Variants in ROBO2 observed in about 807,000 individuals in gnomAD.
ROBO2 encodes the protein roundabout homolog 2.
In ROBO2, 53 loss-of-function variants were observed where a neutral mutation model predicts 160.8. That is an observed-to-expected ratio of 0.33 (90% confidence interval 0.26 to 0.41). The LOEUF (loss-of-function observed/expected upper bound fraction) is 0.41. Among genes scored for constraint, ROBO2 ranks in the 10% least tolerant of loss-of-function variants. The pLI, the probability that ROBO2 is intolerant of heterozygous loss-of-function variation, is 1.00. For synonymous variants in ROBO2, 664 were observed against 611.7 expected, an observed-to-expected ratio of 1.09 and a Z score of -1.26; for missense variants, 1,577 against 1,722.4, an observed-to-expected ratio of 0.92 and a Z score of 1.49.
At chr3:76,885,259 A>T (rs1411400449) in intron 2 of ROBO2, among the ~76,000 whole-genome samples, 1 of 152,200 alleles carries the variant, frequency 6.6e-6, no homozygotes, top group Non-Finnish European at 1.5e-5. Context: ...AGAAACTTAA[A>T]TTTGAATAAA....
chr3:76,567,735 A>C (rs2084663873), intron 2 of ROBO2, among the ~76,000 whole-genome samples: 1 of 102,116 alleles, frequency 9.8e-6, no homozygotes. Context: ...CAGTATATAT[A>C]TACTGTTTTA....
In ROBO2 at chr3:76,901,921, C is replaced by T. The variant is rs142938613; in HGVS notation, c.110-196093C>T. ...TCCTTCCTACCTTTCACCATACACA[C>T]CTAAGGGTACCCATGTTGAAAACCC... On this transcript the variant is annotated intron_variant, in intron 2 of 26. Transcript: ENST00000487694. Among the ~76,000 whole-genome samples the T allele has an allele frequency of 1.3e-3, 199 of 152,052 alleles. 4 individuals carry two copies. In the East Asian group the frequency reaches 0.026, roughly 20 times the overall value.
intron 2 of ROBO2, among the ~76,000 whole-genome samples, chr3:76,583,184 A>G (rs989942966): frequency 6.6e-6 from 1 of 152,144 alleles, no homozygotes; most frequent in Non-Finnish European, 1.5e-5. Flanking sequence ...TGGATTTGAG[A>G]ATTCCCTGAG....
intron 2 of ROBO2, among the ~76,000 whole-genome samples, chr3:76,238,106 A>G (rs1239865817): frequency 6.6e-6 from 1 of 152,212 alleles, no homozygotes; most frequent in African/African-American, 2.4e-5. Flanking sequence ...TTGACCATTT[A>G]AAGGACTTGG....
chr3:77,123,209 G>T (rs1286997334), intron 2 of ROBO2, among the ~76,000 whole-genome samples: 1 of 152,088 alleles, frequency 6.6e-6, no homozygotes, highest in Non-Finnish European at 1.5e-5. Context: ...TTAGTGTTCT[G>T]TGAATTGATT....
intron 2 of ROBO2, among the ~76,000 whole-genome samples, chr3:76,477,506 T>C (rs1216378774): frequency 1.3e-5 from 2 of 152,142 alleles, no homozygotes; most frequent in African/African-American, 4.8e-5. Context: ...TATGAAACCA[T>C]AGGGAATGAT....
chr3:76,494,267 G>A (rs966667098), intron 2 of ROBO2, among the ~76,000 whole-genome samples: 3 of 152,160 alleles, frequency 2.0e-5, no homozygotes, highest in African/African-American at 7.2e-5. Flanking sequence ...TACCCTCTTA[G>A]GGTACTTTAG....
At chr3:76,279,968 C>T (rs1427211142) in intron 2 of ROBO2, among the ~76,000 whole-genome samples, 4 of 151,890 alleles carry the variant, frequency 2.6e-5, no homozygotes, top group Admixed American at 6.6e-5. Context: ...CTTGCTACTG[C>T]TTTCGGTACT....
Position 77,558,040 on chromosome 3 carries a change from G to A in ROBO2, c.1328G>A (p.Gly443Asp), listed in dbSNP as rs1221759864. Residue 443 changes from glycine to aspartate, a missense_variant, in exon 9 of 26, where the codon GGT becomes GAT. Gly to Asp is a moderately conservative substitution (Grantham distance 94, BLOSUM62 -1). Transcript: ENST00000461745. ...GCGTTACTGAAATGTAAAGCCACTG[G>A]TGATCCTCTTCCTGTAATTAGCTGG... The A allele has an allele frequency of 8.7e-6, 14 of 1,613,190 alleles. No homozygotes were observed. The South Asian group carries it at 1.4e-4, about 16-fold the overall frequency.
At position 76,757,468 on chromosome 3, in the gene ROBO2, A is replaced by G. The variant is rs530857897; in HGVS notation, c.110-340546A>G. ...TTCGTGTGGTCACTAAGTAAAGAAA[A>G]CAGGGGGATGAGTTGATGCTTGCTA... On this transcript the variant is annotated intron_variant, in intron 2 of 26. Coordinates refer to the ROBO2 transcript ENST00000487694. Among the ~76,000 whole-genome samples the G allele has an allele frequency of 1.4e-4, 21 of 151,946 alleles. 2 individuals are homozygous for G. In the East Asian group the frequency reaches 4.1e-3, roughly 30 times the overall value.
At chr3:77,116,927 G>A (rs72887967) in intron 2 of ROBO2, among the ~76,000 whole-genome samples, 16,006 of 152,208 alleles carry the variant, frequency 0.11, 1,903 homozygotes, top group African/African-American at 0.29. Flanking sequence ...TCCATCATCT[G>A]AGGACTCATA....
chr3:76,867,527 A>C (rs116450822), intron 2 of ROBO2, among the ~76,000 whole-genome samples: 1,573 of 152,270 alleles, frequency 0.01, 28 homozygotes, highest in African/African-American at 0.035. Flanking sequence ...GCTAAAGCTC[A>C]ATTTGGGGAC....
At chr3:77,325,979 C>A (rs1438251087) in intron 2 of ROBO2, among the ~76,000 whole-genome samples, 2 of 152,162 alleles carry the variant, frequency 1.3e-5, no homozygotes, top group Admixed American at 6.5e-5. Context: ...TCATAGAATT[C>A]TTTCCTTGAG....
chr3:76,386,507 C>CT (rs1016658921), intron 2 of ROBO2, among the ~76,000 whole-genome samples: 5 of 152,094 alleles, frequency 3.3e-5, no homozygotes, highest in African/African-American at 9.6e-5. Context: ...CAAAAATACA[C>CT]TTTTTTAAGG....
chr3:76,850,270 A>G (rs535960846), intron 2 of ROBO2, among the ~76,000 whole-genome samples: 9 of 152,174 alleles, frequency 5.9e-5, no homozygotes, highest in Non-Finnish European at 1.2e-4. Context: ...CTTCTCTCTT[A>G]GACTATGTAA....
At chr3:76,661,946 T>TTATC (rs1468108269) in intron 2 of ROBO2, among the ~76,000 whole-genome samples, 9 of 152,212 alleles carry the variant, frequency 5.9e-5, no homozygotes, top group African/African-American at 2.2e-4. Context: ...TCAGGGCCTG[T>TTATC]TATCTGTCAT....
intron 2 of ROBO2, among the ~76,000 whole-genome samples, chr3:77,170,706 T>A (rs1380053130): frequency 6.6e-6 from 1 of 152,146 alleles, no homozygotes; most frequent in African/African-American, 2.4e-5. Context: ...GTGGAAAAGA[T>A]CTGTAAAACT....
chr3:75,997,789 G>A (rs569097693), intron 2 of ROBO2, among the ~76,000 whole-genome samples: 17 of 152,192 alleles, frequency 1.1e-4, no homozygotes, highest in Admixed American at 5.2e-4. Context: ...CACCGCGCCC[G>A]GCAAGTGGTA....
intron 2 of ROBO2, among the ~76,000 whole-genome samples, chr3:76,475,849 A>T (rs2107197624): frequency 6.6e-6 from 1 of 152,270 alleles, no homozygotes; most frequent in East Asian, 1.9e-4. Flanking sequence ...TTCCCACATG[A>T]TGCTTTTGTC....
Sources: allele counts gnomAD v4.1 joint callset (sites outside exome capture counted in the v4.1 genomes callset), GRCh38; gene constraint gnomAD v4.1.1; transcripts MANE v1.5; gene names NCBI Gene and HGNC (gene_info 2026-07-23, HGNC 2026-07-21).